The following WIPI1 variants were observed in gnomAD, a reference collection of about 807,000 sequenced individuals.
WIPI1 encodes the protein WD repeat domain phosphoinositide-interacting protein 1.
Under a neutral mutation model 55.3 loss-of-function variants are expected in WIPI1, and 45 were observed. The observed-to-expected ratio is 0.81, with a 90% CI of 0.64 to 1.04. WIPI1 has a LOEUF of 1.04. Among genes scored for constraint, WIPI1 ranks in the 50% least tolerant of loss-of-function variants. The pLI is 0.00. For missense variants in WIPI1, 445 were observed against 559.0 expected (o/e 0.80, Z 2.06); for synonymous variants, 195 against 217.6 (o/e 0.90, Z 0.92).
At chr17:68,445,925 G>A (rs1166570745) in intron 3 of WIPI1, among the ~76,000 whole-genome samples, 1 of 152,182 alleles carries the variant, frequency 6.6e-6, no homozygotes, top group African/African-American at 2.4e-5. Flanking sequence ...GGAGATTCTG[G>A]TTTGGGAAGT....
chr17:68,433,472 T>C lies in WIPI1; in HGVS notation c.796A>G (p.Asn266Asp). The C allele has an allele frequency of 6.2e-7, 1 of 1,613,978 alleles. No homozygotes were observed. The highest frequency in any genetic ancestry group is 8.5e-7 in the Non-Finnish European group (1 of 1,179,972). ...GGTGCCCCGCGGAGTACTTGCCTGT[T>C]GGTGACCTGTTCCAGCTTGAAGATG... Reference protein sequence around the residue: ...VHIFKLEQVTNSRPEEPSTWS... With the variant: ...VHIFKLEQVTDSRPEEPSTWS... The change falls in exon 8 of 13, where the codon AAC (asparagine) becomes GAC (aspartate). Residue 266 changes from asparagine (N) to aspartate (D), a missense_variant. By Grantham distance (23) the Asn-to-Asp change is conservative. Transcript: ENST00000262139.
Position 68,433,458 on chromosome 17 carries a change from G to T in WIPI1, c.800+10C>A, listed in dbSNP as rs780062528. ...TTTAATGAGCATTTGGTGCCCCGCGGAGTACTTGCCTGTTGGTGACCTGTT... is the reference window on the plus strand; with the variant it reads ...TTTAATGAGCATTTGGTGCCCCGCGTAGTACTTGCCTGTTGGTGACCTGTT... On this transcript the variant is annotated intron_variant, in intron 8 of 12. Coordinates refer to ENST00000262139, the MANE Select transcript of WIPI1 (RefSeq NM_017983.7). 5 of 1,612,622 alleles carry T rather than the reference G, an allele frequency of 3.1e-6. No homozygotes were observed. In the African/African-American group the frequency reaches 6.7e-5, roughly 22 times the overall value.
chr17:68,451,118 C>T (rs971368386), intron 2 of WIPI1, among the ~76,000 whole-genome samples: 2 of 152,218 alleles, frequency 1.3e-5, no homozygotes, highest in Non-Finnish European at 2.9e-5. Context: ...AGAGTCCTTT[C>T]CAAATATCTA....
intron 1 of WIPI1, among the ~76,000 whole-genome samples, chr17:68,457,046 C>T (rs1037310316): frequency 3.9e-5 from 6 of 152,204 alleles, no homozygotes; most frequent in Non-Finnish European, 2.9e-5. Flanking sequence ...CGCCCTGCTC[C>T]CCCCATATTC....
chr17:68,455,906 C>T (rs1241727780), intron 1 of WIPI1, among the ~76,000 whole-genome samples: 2 of 152,196 alleles, frequency 1.3e-5, no homozygotes, highest in Non-Finnish European at 2.9e-5. Flanking sequence ...GAAAACATCA[C>T]CCAGGCATTT....
chr17:68,427,063 G>C (rs1177875881), intron 11 of WIPI1, 72 bp downstream of exon 11: 2 of 1,269,054 alleles, frequency 1.6e-6, no homozygotes, highest in Admixed American at 1.7e-5. Context: ...GGGAAGGGGA[G>C]GGAGCGTGCA....
chr17:68,451,210 C>T (rs924892729), intron 2 of WIPI1, among the ~76,000 whole-genome samples: 1 of 152,224 alleles, frequency 6.6e-6, no homozygotes, highest in African/African-American at 2.4e-5. Flanking sequence ...GCAGGAGAAT[C>T]ACTTGAGGCC....
At chr17:68,430,707 T>C (rs563977210) in intron 8 of WIPI1, among the ~76,000 whole-genome samples, 69 of 152,304 alleles carry the variant, frequency 4.5e-4, no homozygotes, top group African/African-American at 1.5e-3. Context: ...ACCTGGGATG[T>C]CGCCTACAGT....
At chr17:68,444,410 G>T in intron 4 of WIPI1, 83 bp downstream of exon 4, 2 of 1,314,732 alleles carry the variant, frequency 1.5e-6, no homozygotes, top group Non-Finnish European at 2.2e-6. Context: ...CTTCACGTTC[G>T]CAATTTGGAG....
chr17:68,437,014 A>ATGTGTGTGTGTGTGTGTG (rs1181984378), intron 4 of WIPI1, among the ~76,000 whole-genome samples: 24 of 82,138 alleles, frequency 2.9e-4, no homozygotes, highest in Middle Eastern at 7.9e-3. Context: ...AAATATATAT[A>ATGTGTGTGTGTGTGTGTG]TATGTGTGTG....
chr17:68,439,091 A>AAACAT lies in WIPI1; in HGVS notation c.431-2617_431-2613dup, dbSNP rs987270540. 6.6e-4 allele frequency among the ~76,000 whole-genome samples: 101 copies of AAACAT among 152,320 alleles called. 1 individual carries two copies. Among genetic ancestry groups the AAACAT allele is most frequent in the African/African-American group, 2.4e-3 (100 of 41,568 alleles). On this transcript the variant is annotated intron_variant, in intron 4 of 12. Transcript: ENST00000262139. The stretch of plus-strand genomic sequence containing the variant: ...AACGTTTAGCAGTTCTTCAAAAGCT[A>AAACAT]AACATAAAGTTCTCATATGACCTAG...
Position 68,430,118 on chromosome 17 carries a change from C to T in WIPI1, c.843G>A (p.Lys281=). The T allele has an allele frequency of 3.1e-6, 5 of 1,614,138 alleles. No individual in the cohort carries two copies. The Admixed American group carries it at 6.7e-5, about 22-fold the overall frequency. The change falls in exon 9 of 13, where the codon AAG becomes AAA. Residue 281 remains lysine, a synonymous_variant. Transcript: ENST00000262139. ...GGTAGTTGGTAGCAGCCATAAACAT[C>T]TTTCCCATGTAGCCACTCCAGGTCG... The part of the protein sequence containing the change: ...EPSTWSGYMG[K]MFMAATNYLP...
intron 8 of WIPI1, 36 bp downstream of exon 8, chr17:68,433,432 G>A (rs371403844): frequency 3.0e-5 from 47 of 1,584,104 alleles, no homozygotes; most frequent in South Asian, 1.2e-4. Flanking sequence ...GACTCCTTTC[G>A]TTTAATGAGC....
rs2084545495 is a variant in WIPI1 at position 68,452,845 on chromosome 17, T to C, written c.163+65A>G. The C allele has an allele frequency of 2.0e-6, 3 of 1,477,050 alleles. 1 individual carries two copies. The highest frequency in any genetic ancestry group is 2.3e-5 in the South Asian group (2 of 87,626). The allele number at this position is 1,477,050 out of a possible 1,614,324, so 91.5% of individuals were successfully genotyped here. A position where few individuals can be genotyped will look rare whatever the true frequency, so the allele number is the denominator to read the frequency against. On this transcript the variant is annotated intron_variant, in intron 2 of 12. Coordinates refer to ENST00000262139, the MANE Select transcript of WIPI1 (RefSeq NM_017983.7). Reference sequence around the variant, plus strand: ...ATAGGCAGCTTGGTAGCACCGCAGATTAAAGCCTAGAAGGAGGCTCTGGTT... The same window carrying C: ...ATAGGCAGCTTGGTAGCACCGCAGACTAAAGCCTAGAAGGAGGCTCTGGTT...
Position 68,457,327 on chromosome 17 carries a change from C to CGG in WIPI1, c.80+14_80+15insCC, listed in dbSNP as rs2084672050. On this transcript the variant is annotated intron_variant, in intron 1 of 12. Transcript: ENST00000262139. Reference sequence around the variant, plus strand: ...TGTCCCCCACCTCCCTGGCAGGGGCCGAGTCGCAGCTTACGTGCAGTCCTG... The same window carrying CGG: ...TGTCCCCCACCTCCCTGGCAGGGGCCGGGAGTCGCAGCTTACGTGCAGTCCTG... 3 of 1,542,826 alleles carry CGG rather than the reference C, an allele frequency of 1.9e-6. No homozygotes were observed. Among genetic ancestry groups the CGG allele is most frequent in the Non-Finnish European group, 2.6e-6 (3 of 1,143,334 alleles).
intron 1 of WIPI1, among the ~76,000 whole-genome samples, chr17:68,456,988 C>T (rs1055936310): frequency 6.6e-6 from 1 of 152,196 alleles, no homozygotes; most frequent in African/African-American, 2.4e-5. Flanking sequence ...TTCTTTTGGC[C>T]ACTGTCTCTC....
At chr17:68,446,620 G>C (rs1403955845) in intron 3 of WIPI1, among the ~76,000 whole-genome samples, 1 of 152,166 alleles carries the variant, frequency 6.6e-6, no homozygotes, top group Non-Finnish European at 1.5e-5. Flanking sequence ...TCCAATCACT[G>C]TGCCTTTTGC....
At chr17:68,444,426 T>G in intron 4 of WIPI1, 67 bp downstream of exon 4, 2 of 1,461,030 alleles carry the variant, frequency 1.4e-6, no homozygotes, top group South Asian at 2.4e-5. Context: ...TGGAGGAAAA[T>G]AAAGCTTGGG....
intron 2 of WIPI1, among the ~76,000 whole-genome samples, chr17:68,452,307 G>A (rs1228063400): frequency 2.0e-5 from 3 of 152,252 alleles, no homozygotes; most frequent in African/African-American, 2.4e-5. Context: ...GCTCACGCCT[G>A]TAATCTCAGG....
Sources: allele counts gnomAD v4.1 joint callset (sites outside exome capture counted in the v4.1 genomes callset), GRCh38; gene constraint gnomAD v4.1.1; transcripts MANE v1.5; gene names NCBI Gene and HGNC (gene_info 2026-07-23, HGNC 2026-07-21).